The following GUCY1A2 variants were observed in gnomAD, a reference collection of about 807,000 sequenced individuals.
The protein encoded by GUCY1A2 is guanylate cyclase 1 soluble subunit alpha 2.
In GUCY1A2, 27 loss-of-function variants were observed where a neutral mutation model predicts 63.5. The ratio of observed to expected loss-of-function variants is 0.43; its 90% CI spans 0.31 to 0.59. The LOEUF (loss-of-function observed/expected upper bound fraction) is 0.59. Among genes scored for constraint, GUCY1A2 ranks in the 20% least tolerant of loss-of-function variants. The probability of loss-of-function intolerance (pLI) is 0.11; values close to 1 mark genes in which losing one functional copy is unlikely to be tolerated. For missense variants in GUCY1A2, 768 were observed against 913.3 expected, an observed-to-expected ratio of 0.84 and a Z score of 2.05; for synonymous variants, 364 against 343.5, an observed-to-expected ratio of 1.06 and a Z score of -0.66.
rs1422434965 is a variant in GUCY1A2, at chr11:107,008,276, C to T, written c.303+9477G>A. On this transcript the variant is annotated intron_variant, in intron 1 of 7. Transcript: ENST00000526355. ...CTTGGGCGACAGAGCAAGACTCCAT[C>T]TCAAAAAAAAAAAAAAAAAAAAAGA... is the stretch of plus-strand genomic sequence containing the variant. Among the ~76,000 whole-genome samples, 6 of 96,984 alleles carry T rather than the reference C, an allele frequency of 6.2e-5. No individual in the cohort carries two copies. In the South Asian group the frequency reaches 2.4e-3, roughly 38 times the overall value. 63.6% of individuals were successfully genotyped at this position (96,984 alleles called of 152,430 possible).
chr11:106,889,885 T>C (rs1193251700), intron 4 of GUCY1A2, among the ~76,000 whole-genome samples: 1 of 152,236 alleles, frequency 6.6e-6, no homozygotes, highest in Non-Finnish European at 1.5e-5. Context: ...TCTTTAATGC[T>C]GATTTTTATT....
In GUCY1A2 at chr11:106,810,040, G is replaced by A. The variant is rs954832978; in HGVS notation, c.1645C>T (p.Leu549=). 1.2e-6 allele frequency: 2 copies of A among 1,611,418 alleles called. No individual in the cohort carries two copies. Among genetic ancestry groups the A allele is most frequent in the African/African-American group, 2.7e-5 (2 of 74,838 alleles). Residue 549 remains leucine (L), a synonymous_variant, in exon 5 of 8, where the codon CTG becomes TTG. Coordinates refer to ENST00000526355, the MANE Select transcript of GUCY1A2 (RefSeq NM_000855.3). ...PMQVISMLNE[L]YTRFDHQCGF... ...CACTGGTGGTCAAATCTGGTGTACA[G>A]TTCATTCAGCATGCTGATTACTTGC...
chr11:106,913,694 G>A (rs1044937147), intron 4 of GUCY1A2, among the ~76,000 whole-genome samples: 2 of 151,992 alleles, frequency 1.3e-5, no homozygotes, highest in African/African-American at 2.4e-5. Flanking sequence ...ACCTAAATGA[G>A]GCTAGACAGA....
chr11:106,965,871 G>A (rs1358789766), intron 3 of GUCY1A2, among the ~76,000 whole-genome samples: 1 of 150,940 alleles, frequency 6.6e-6, no homozygotes, highest in Admixed American at 6.6e-5. Context: ...TCAGACATCA[G>A]TGGAGAAACC....
chr11:106,699,277 G>A (rs1862775956), intron 7 of GUCY1A2, among the ~76,000 whole-genome samples: 1 of 152,110 alleles, frequency 6.6e-6, no homozygotes, highest in South Asian at 2.1e-4. Context: ...AATGGAGAAA[G>A]GGAAAGGAAA....
intron 3 of GUCY1A2, among the ~76,000 whole-genome samples, chr11:106,960,930 T>C (rs12364403): frequency 0.19 from 29,038 of 151,932 alleles, 3,594 homozygotes; most frequent in Non-Finnish European, 0.27. Context: ...TGCCAGAGAT[T>C]AGACGATATT....
chr11:106,735,736 T>G (rs1022538661), intron 6 of GUCY1A2, among the ~76,000 whole-genome samples: 3 of 152,142 alleles, frequency 2.0e-5, no homozygotes, highest in Non-Finnish European at 4.4e-5. Context: ...CTGTACTAAT[T>G]TATTTTCCCA....
rs189132670 is a variant in GUCY1A2 at position 106,960,631 on chromosome 11, T to C, written c.487+17988A>G. 2.6e-4 allele frequency among the ~76,000 whole-genome samples: 39 copies of C among 152,296 alleles called. No individual in the cohort carries two copies. In the East Asian group the frequency reaches 7.3e-3, roughly 29 times the overall value. ...ATTTAAATTCAAGAGGGCTCATTAA[T>C]GGGGAAATGTAGATAATGTAGAAAA... On this transcript the variant is annotated intron_variant, in intron 3 of 7. Coordinates refer to ENST00000526355, the MANE Select transcript of GUCY1A2 (RefSeq NM_000855.3).
intron 5 of GUCY1A2, among the ~76,000 whole-genome samples, chr11:106,787,310 C>T (rs1864573255): frequency 6.6e-6 from 1 of 151,458 alleles, no homozygotes; most frequent in African/African-American, 2.4e-5. Context: ...ACCCTACTAC[C>T]ATTCCCAGTG....
At chr11:106,957,422 G>C (rs779693243) in intron 3 of GUCY1A2, among the ~76,000 whole-genome samples, 11 of 152,178 alleles carry the variant, frequency 7.2e-5, no homozygotes, top group Non-Finnish European at 1.0e-4. Context: ...CTAGGCCCTG[G>C]TGGCGTGGGT....
At chr11:106,724,219 C>T (rs563070) in intron 6 of GUCY1A2, among the ~76,000 whole-genome samples, 5 of 152,194 alleles carry the variant, frequency 3.3e-5, no homozygotes, top group Admixed American at 6.5e-5. Flanking sequence ...TGGGCCTCAG[C>T]CCTGCAAGCA....
chr11:106,924,017 A>C (rs1860485402), intron 4 of GUCY1A2, among the ~76,000 whole-genome samples: 1 of 152,218 alleles, frequency 6.6e-6, no homozygotes, highest in Non-Finnish European at 1.5e-5. Flanking sequence ...CGAATGTTAC[A>C]TAAAGCAATC....
intron 3 of GUCY1A2, among the ~76,000 whole-genome samples, chr11:106,953,253 A>C (rs2120032477): frequency 6.6e-6 from 1 of 152,320 alleles, no homozygotes; most frequent in African/African-American, 2.4e-5. Flanking sequence ...ATTTTATCAA[A>C]GGCCTTTTCT....
intron 5 of GUCY1A2, among the ~76,000 whole-genome samples, chr11:106,802,632 C>T (rs1858625333): frequency 6.6e-6 from 1 of 152,072 alleles, no homozygotes; most frequent in Non-Finnish European, 1.5e-5. Flanking sequence ...ATTTATTCCT[C>T]ATAGTTATGG....
intron 6 of GUCY1A2, among the ~76,000 whole-genome samples, chr11:106,768,116 A>C (rs1864194637): frequency 6.6e-6 from 1 of 152,016 alleles, no homozygotes; most frequent in Non-Finnish European, 1.5e-5. Context: ...AATAACACTC[A>C]TTTTTTTCAC....
intron 3 of GUCY1A2, among the ~76,000 whole-genome samples, chr11:106,964,980 A>C (rs1041009205): frequency 3.3e-5 from 5 of 152,070 alleles, no homozygotes; most frequent in African/African-American, 1.2e-4. Flanking sequence ...ACTCCATCTC[A>C]AAAAAAGAAA....
At position 106,675,980 on chromosome 11, in the gene GUCY1A2, C is replaced by T; in HGVS notation, c.*11569G>A. The T allele has an allele frequency of 5.3e-6, 1 of 189,186 alleles. No homozygotes were observed. 11.7% of individuals were successfully genotyped at this position (189,186 alleles called of 1,614,324 possible). A position where few individuals can be genotyped will look rare whatever the true frequency, so the allele number is the denominator to read the frequency against. Reference sequence around the variant, plus strand: ...GAAAAGTCCAAATAAGAAATGAGAACCAAAATTCAAGGGTATTTAACTCAT... The same window carrying T: ...GAAAAGTCCAAATAAGAAATGAGAATCAAAATTCAAGGGTATTTAACTCAT... On this transcript the variant is annotated 3_prime_UTR_variant, in exon 8 of 8. Coordinates refer to ENST00000526355, the MANE Select transcript of GUCY1A2 (RefSeq NM_000855.3).
rs935824341 is a variant in GUCY1A2, at chr11:106,848,612, T to C, written c.1207-38134A>G. Among the ~76,000 whole-genome samples the C allele has an allele frequency of 7.2e-5, 11 of 151,782 alleles. No individual in the cohort carries two copies. In the East Asian group the frequency reaches 2.1e-3, roughly 29 times the overall value. ...GGTTGACTAACTGGAGTATTATAAT[T>C]TTTGTTATAAACAATTATGATGGAA... On this transcript the variant is annotated intron_variant, in intron 4 of 7. Coordinates refer to ENST00000526355, the MANE Select transcript of GUCY1A2 (RefSeq NM_000855.3).
chr11:106,827,728 G>T, intron 4 of GUCY1A2: 1 of 1,539,712 alleles, frequency 6.5e-7, no homozygotes, highest in Admixed American at 1.7e-5. Flanking sequence ...TTAGAAATCT[G>T]CTTGAAATTT....
Sources: gnomAD v4.1 joint callset for allele counts (sites outside exome capture counted in the v4.1 genomes callset) on GRCh38, gnomAD v4.1.1 for gene constraint, MANE v1.5 for transcripts, NCBI Gene and HGNC (gene_info 2026-07-23, HGNC 2026-07-21) for gene names.